The following FDFT1 variants were observed in gnomAD, a reference collection of about 807,000 sequenced individuals.
FDFT1 encodes the protein farnesyl-diphosphate farnesyltransferase 1.
Under a neutral mutation model 46.8 loss-of-function variants are expected in FDFT1, and 68 were observed. The observed-to-expected ratio is 1.45, with a 90% confidence interval of 1.19 to 1.78. FDFT1 has a LOEUF of 1.78. Among genes scored for constraint, FDFT1 ranks in the 40% most tolerant of loss-of-function variants. The pLI is 0.00. For synonymous variants in FDFT1, 351 were observed against 185.1 expected, an observed-to-expected ratio of 1.90 and a Z score of -7.28; for missense variants, 928 against 524.4, an observed-to-expected ratio of 1.77 and a Z score of -7.52.
upstream of FDFT1, among the ~76,000 whole-genome samples, chr8:11,798,519 C>G (rs1305930595): frequency 6.6e-6 from 1 of 152,176 alleles, no homozygotes; most frequent in Non-Finnish European, 1.5e-5. Flanking sequence ...CTCCACAGGA[C>G]TTGATGAATG....
intron 1 of FDFT1, chr8:11,803,910 A>G (rs1252096379): frequency 6.6e-6 from 1 of 152,368 alleles, no homozygotes; most frequent in African/African-American, 2.4e-5. Context: ...TATTTGTAGA[A>G]CATTCAGTTT....
Position 11,809,445 on chromosome 8 carries a change from C to A in FDFT1, c.198-222C>A, listed in dbSNP as rs1198771466. On this transcript the variant is annotated intron_variant, in intron 2 of 7. Coordinates refer to ENST00000220584, the MANE Select transcript of FDFT1 (RefSeq NM_004462.5). ...CACTTCTGGGAGTAGTGGTGACATT[C>A]AACTAGTAGGCTTTTTAATAAACTA... 2.4e-6 allele frequency: 3 copies of A among 1,273,100 alleles called. No individual in the cohort carries two copies. In the East Asian group the frequency reaches 9.8e-5, roughly 42 times the overall value. 78.9% of individuals were successfully genotyped at this position (1,273,100 alleles called of 1,614,324 possible).
rs777100951 is a variant in FDFT1 at position 11,830,329 on chromosome 8, T to A, written c.788T>A (p.Ile263Lys). The A allele has an allele frequency of 2.5e-6, 4 of 1,613,908 alleles. No homozygotes were observed. The highest frequency in any genetic ancestry group is 2.2e-5 in the East Asian group (1 of 44,882). Residue 263 changes from isoleucine (I) to lysine (K), a missense_variant, in exon 6 of 8, where the codon ATA becomes AAA. Physicochemically the swap from Ile to Lys is moderately radical, Grantham distance 102. Transcript: ENST00000220584. ...GCCGTGCAGTGCCTGAATGAACTTA[T>A]AACCAATGCACTGCACCACATCCCA... ...DLAVQCLNEL[I>K]TNALHHIPDV...
chr8:11,825,922 C>G, intron 4 of FDFT1, 102 bp from the exon 5 acceptor site: 2 of 625,450 alleles, frequency 3.2e-6, no homozygotes, highest in East Asian at 5.9e-5. Flanking sequence ...GCATTCTTAC[C>G]CATTCTCTTT....
chr8:11,825,183 C>A (rs900394426), intron 4 of FDFT1, among the ~76,000 whole-genome samples: 1 of 152,122 alleles, frequency 6.6e-6, no homozygotes, highest in Non-Finnish European at 1.5e-5. Flanking sequence ...GTCCTAGTTC[C>A]TGTTACCAGA....
At chr8:11,816,468 AT>A (rs1384882503) in intron 3 of FDFT1, among the ~76,000 whole-genome samples, 1 of 152,180 alleles carries the variant, frequency 6.6e-6, no homozygotes, top group Non-Finnish European at 1.5e-5. Flanking sequence ...CAGTATAGCC[AT>A]TTTCACGATA....
intron 7 of FDFT1, among the ~76,000 whole-genome samples, chr8:11,837,468 G>A (rs900063815): frequency 6.6e-6 from 1 of 152,190 alleles, no homozygotes; most frequent in African/African-American, 2.4e-5. Context: ...CTGAGCTTAA[G>A]CAGTCTACGT....
intron 1 of FDFT1, chr8:11,803,468 G>C: frequency 7.9e-7 from 1 of 1,269,226 alleles, no homozygotes; most frequent in Non-Finnish European, 1.0e-6. Flanking sequence ...ACGCTTCCAA[G>C]TTCCAATGAG....
At chr8:11,808,416 C>T (rs1807180432) in intron 1 of FDFT1, 29 of 1,255,808 alleles carry the variant, frequency 2.3e-5, no homozygotes, top group Non-Finnish European at 2.7e-5. Flanking sequence ...GTCGGCCCAG[C>T]GCGTATTCGA....
At position 11,838,654 on chromosome 8, in the gene FDFT1, C is replaced by G. The variant is rs1449790569; in HGVS notation, c.*45C>G. ...TGAAGTCCACCATAAAGTGGATTTA[C>G]TTTTTTTCTTTAAGGATGGATGTTG... is the stretch of plus-strand genomic sequence containing the variant. On this transcript the variant is annotated 3_prime_UTR_variant, in exon 8 of 8. Coordinates refer to ENST00000220584, the MANE Select transcript of FDFT1 (RefSeq NM_004462.5). 2 of 1,430,442 alleles carry G rather than the reference C, an allele frequency of 1.4e-6. No homozygotes were observed. The highest frequency in any genetic ancestry group is 1.1e-5 in the South Asian group (1 of 87,168). The allele number at this position is 1,430,442 out of a possible 1,614,324, so 88.6% of individuals were successfully genotyped here. A position where few individuals can be genotyped will look rare whatever the true frequency, so the allele number is the denominator to read the frequency against.
intron 3 of FDFT1, among the ~76,000 whole-genome samples, chr8:11,810,782 T>A (rs540579569): frequency 7.0e-4 from 106 of 152,128 alleles, no homozygotes; most frequent in Non-Finnish European, 1.3e-3. Flanking sequence ...AAGCCCTTTT[T>A]GTCCACAGTT....
intron 7 of FDFT1, among the ~76,000 whole-genome samples, chr8:11,832,998 A>G (rs1466650016): frequency 6.6e-6 from 1 of 152,194 alleles, no homozygotes. Context: ...TTTCTCTTGC[A>G]TATTGCACAT....
At chr8:11,813,198 T>C (rs1807976321) in intron 3 of FDFT1, among the ~76,000 whole-genome samples, 1 of 152,216 alleles carries the variant, frequency 6.6e-6, no homozygotes, top group African/African-American at 2.4e-5. Context: ...CTCCGTTGAC[T>C]GAAACATCAT....
Position 11,831,663 on chromosome 8 carries a change from T to C in FDFT1, c.1025T>C (p.Met342Thr). 6.2e-7 allele frequency: 1 copy of C among 1,612,752 alleles called. No individual in the cohort carries two copies. The highest frequency in any genetic ancestry group is 8.5e-7 in the Non-Finnish European group (1 of 1,178,918). The change falls in exon 7 of 8, where the codon ATG becomes ACG. Residue 342 changes from methionine to threonine, a missense_variant. By Grantham distance (81) the Met-to-Thr change is moderately conservative (BLOSUM62 -1). Coordinates refer to ENST00000220584, the MANE Select transcript of FDFT1 (RefSeq NM_004462.5). ...PAVKAIIYQY[M>T]EEIYHRIPDS... ...GTCAAAGCCATCATATATCAGTATA[T>C]GGAAGAGGTGGGTTTTTATTTAACT... is the stretch of plus-strand genomic sequence containing the variant.
intron 3 of FDFT1, among the ~76,000 whole-genome samples, chr8:11,817,772 G>A (rs918528295): frequency 6.6e-6 from 1 of 151,110 alleles, no homozygotes; most frequent in African/African-American, 2.4e-5. Flanking sequence ...CTTGCTAGCG[G>A]TCTATCAATT....
intron 1 of FDFT1, among the ~76,000 whole-genome samples, chr8:11,804,060 GTAT>G (rs1460221659): frequency 6.6e-6 from 1 of 152,228 alleles, no homozygotes; most frequent in Non-Finnish European, 1.5e-5. Flanking sequence ...ACGACCAGTT[GTAT>G]ATCAGATAGT....
At position 11,812,933 on chromosome 8, in the gene FDFT1, C is replaced by A. The variant is rs569626694; in HGVS notation, c.381+3083C>A. Among the ~76,000 whole-genome samples the A allele has an allele frequency of 1.3e-5, 2 of 152,316 alleles. 1 individual carries two copies. The highest frequency in any genetic ancestry group is 4.1e-4 in the South Asian group (2 of 4,828). On this transcript the variant is annotated intron_variant, in intron 3 of 7. Coordinates refer to ENST00000220584, the MANE Select transcript of FDFT1 (RefSeq NM_004462.5). ...GCCACAGGATACATTCTGAGAAACG[C>A]ATTGATAGATGATTTCATCATTCTG...
rs1041965347 is a variant in FDFT1 at position 11,838,534 on chromosome 8, G to C, written c.1179G>C (p.Leu393Phe). The part of the protein sequence containing the change: ...SPIYLSFVML[L>F]AALSWQYLTT... The stretch of plus-strand genomic sequence containing the variant: ...TCTACCTGTCGTTTGTCATGCTTTT[G>C]GCTGCCCTGAGCTGGCAGTACCTGA... Residue 393 changes from leucine (L) to phenylalanine (F), a missense_variant, in exon 8 of 8, where the codon TTG becomes TTC. Coordinates refer to ENST00000220584, the MANE Select transcript of FDFT1 (RefSeq NM_004462.5). The C allele has an allele frequency of 1.2e-6, 2 of 1,610,714 alleles. No individual in the cohort carries two copies. The highest frequency in any genetic ancestry group is 1.7e-6 in the Non-Finnish European group (2 of 1,178,414).
chr8:11,800,167 A>AG (rs1479737711), upstream of FDFT1, among the ~76,000 whole-genome samples: 2 of 144,512 alleles, frequency 1.4e-5, no homozygotes, highest in Non-Finnish European at 3.0e-5. Flanking sequence ...AGGCTGAGGC[A>AG]GGAGAAGCAC....
Sources: gnomAD v4.1 joint callset for allele counts (sites outside exome capture counted in the v4.1 genomes callset) on GRCh38, gnomAD v4.1.1 for gene constraint, MANE v1.5 for transcripts, NCBI Gene and HGNC (gene_info 2026-07-23, HGNC 2026-07-21) for gene names.